FNDC3B: variants seen among roughly 807,000 people sequenced by gnomAD.
FNDC3B encodes the protein fibronectin type III domain-containing protein 3B.
In FNDC3B, 12 loss-of-function variants were observed where a neutral mutation model predicts 151.5. The observed-to-expected ratio is 0.08, with a 90% CI of 0.05 to 0.13. The LOEUF is 0.13. Ranked by LOEUF, FNDC3B falls within the 10% of genes least tolerant of loss-of-function variation. The pLI is 1.00. For synonymous variants in FNDC3B, 528 were observed against 549.0 expected, an observed-to-expected ratio of 0.96 and a Z score of 0.54; for missense variants, 1,214 against 1,505.3, an observed-to-expected ratio of 0.81 and a Z score of 3.20.
At chr3:172,234,276 C>T (rs909739694) in intron 4 of FNDC3B, among the ~76,000 whole-genome samples, 3 of 152,166 alleles carry the variant, frequency 2.0e-5, no homozygotes, top group Admixed American at 2.0e-4. Flanking sequence ...TGATCATTGT[C>T]TGTCTTCCTT....
rs545040634 is a variant in FNDC3B, at chr3:172,370,260, C to G, written c.3008+7415C>G. On this transcript the variant is annotated intron_variant, in intron 23 of 25. Transcript: ENST00000415807. ...GCATTCTTGGATTTTTTTTCAAAAT[C>G]AAACTGTTTTAAAGAAACATTCTAA... 2.0e-5 allele frequency among the ~76,000 whole-genome samples: 3 copies of G among 152,028 alleles called. No homozygotes were observed. In the East Asian group the frequency reaches 5.8e-4, roughly 29 times the overall value.
intron 1 of FNDC3B, among the ~76,000 whole-genome samples, chr3:172,078,319 C>T (rs1002011637): frequency 6.6e-6 from 1 of 152,198 alleles, no homozygotes; most frequent in Admixed American, 6.5e-5. Context: ...GAACTCTTTT[C>T]TTTCGACTTG....
intron 17 of FNDC3B, among the ~76,000 whole-genome samples, chr3:172,341,955 T>C (rs1733348177): frequency 6.6e-6 from 1 of 152,196 alleles, no homozygotes; most frequent in Non-Finnish European, 1.5e-5. Flanking sequence ...GAAAAGTGAA[T>C]GAGAAACGAG....
chr3:172,143,212 T>G (rs1721718517), intron 3 of FNDC3B, among the ~76,000 whole-genome samples: 1 of 152,186 alleles, frequency 6.6e-6, no homozygotes, highest in Non-Finnish European at 1.5e-5. Flanking sequence ...TCTGAAAAGG[T>G]AGTTAAATTT....
At chr3:172,360,057 A>G (rs1734291828) in intron 22 of FNDC3B, among the ~76,000 whole-genome samples, 1 of 152,222 alleles carries the variant, frequency 6.6e-6, no homozygotes, top group Non-Finnish European at 1.5e-5. Flanking sequence ...ATAAGTATAT[A>G]TTTAAAAGGC....
At chr3:172,306,238 T>C (rs757813032) in intron 9 of FNDC3B, among the ~76,000 whole-genome samples, 2 of 152,158 alleles carry the variant, frequency 1.3e-5, no homozygotes, top group Admixed American at 6.5e-5. Flanking sequence ...AAGTGGATTG[T>C]GGTGTTTAGA....
chr3:172,300,144 T>A (rs1560065497), intron 9 of FNDC3B, among the ~76,000 whole-genome samples: 1 of 152,238 alleles, frequency 6.6e-6, no homozygotes, highest in Non-Finnish European at 1.5e-5. Context: ...TCACACACTC[T>A]GTACAAGAAG....
At chr3:172,183,520 T>C (rs74849162) in intron 3 of FNDC3B, among the ~76,000 whole-genome samples, 3 of 152,226 alleles carry the variant, frequency 2.0e-5, no homozygotes, top group African/African-American at 4.8e-5. Flanking sequence ...AGTTGCTTAC[T>C]GGTCTTACTG....
At chr3:172,322,571 C>T (rs1732141665) in intron 11 of FNDC3B, among the ~76,000 whole-genome samples, 1 of 152,138 alleles carries the variant, frequency 6.6e-6, no homozygotes, top group Non-Finnish European at 1.5e-5. Flanking sequence ...CCTTTTGGTC[C>T]TGAGAAACCA....
At chr3:172,064,144 AATAG>A (rs1415225319) in intron 1 of FNDC3B, among the ~76,000 whole-genome samples, 1 of 152,090 alleles carries the variant, frequency 6.6e-6, no homozygotes, top group African/African-American at 2.4e-5. Flanking sequence ...TCTCTCTTAA[AATAG>A]ATAGATAGAT....
intron 3 of FNDC3B, among the ~76,000 whole-genome samples, chr3:172,192,792 C>T (rs1724598256): frequency 6.6e-6 from 1 of 151,974 alleles, no homozygotes; most frequent in Non-Finnish European, 1.5e-5. Flanking sequence ...GAGCCTGTAG[C>T]CTCCAGTGGA....
intron 15 of FNDC3B, 163 bp downstream of exon 15, chr3:172,335,245 T>C: frequency 3.6e-6 from 2 of 549,170 alleles, no homozygotes; most frequent in Non-Finnish European, 5.9e-6. Flanking sequence ...CTGAGAATTC[T>C]ACAAATTGGA....
chr3:172,279,216 G>C (rs557065032), intron 6 of FNDC3B, among the ~76,000 whole-genome samples: 3 of 136,082 alleles, frequency 2.2e-5, no homozygotes, highest in Admixed American at 2.1e-4. Context: ...ACAGGCCTGG[G>C]GAGTGGGGGG....
chr3:172,251,400 A>G lies in FNDC3B; in HGVS notation c.649A>G (p.Ser217Gly), dbSNP rs1395247888. The change falls in exon 6 of 26, where the codon AGC (serine) becomes GGC (glycine). Residue 217 changes from serine (S) to glycine (G), a missense_variant. Physicochemically the swap from Ser to Gly is moderately conservative, Grantham distance 56 (BLOSUM62 0). Around this residue, in one of 7 missense-constraint regions of FNDC3B, gnomAD observed 166 missense variants for 173.2 expected, o/e 0.96. Coordinates refer to ENST00000415807, the MANE Select transcript of FNDC3B (RefSeq NM_022763.4). ...NSPPSSIYKS[S>G]CTTVYNGYGK... is the part of the protein sequence containing the mutation. ...CCCTCCTTCTTCTATCTACAAAAGC[A>G]GCTGCACAACAGTATACAATGGCTA... The G allele has an allele frequency of 6.2e-7, 1 of 1,614,126 alleles. No homozygotes were observed. Among genetic ancestry groups the G allele is most frequent in the Admixed American group, 1.7e-5 (1 of 60,018 alleles).
rs550263918 is a variant in FNDC3B at position 172,244,031 on chromosome 3, A to G, written c.265-3502A>G. 2.0e-5 allele frequency among the ~76,000 whole-genome samples: 3 copies of G among 152,310 alleles called. No individual in the cohort carries two copies. The East Asian group carries it at 5.8e-4, about 29-fold the overall frequency. On this transcript the variant is annotated intron_variant, in intron 4 of 25. Coordinates refer to ENST00000415807, the MANE Select transcript of FNDC3B (RefSeq NM_022763.4). ...GAAGAATATTTATTCTGATTTCTGA[A>G]ATCACCACACTTCTGCTTTCTTAAC... is the stretch of plus-strand genomic sequence containing the variant.
intron 6 of FNDC3B, among the ~76,000 whole-genome samples, chr3:172,267,408 A>C (rs185774691): frequency 3.3e-4 from 51 of 152,258 alleles, no homozygotes; most frequent in East Asian, 5.8e-4. Flanking sequence ...CTCCTGCCTC[A>C]GTTTCCCAAA....
At chr3:172,115,210 A>G (rs758622120) in intron 2 of FNDC3B, among the ~76,000 whole-genome samples, 1 of 152,160 alleles carries the variant, frequency 6.6e-6, no homozygotes, top group Non-Finnish European at 1.5e-5. Context: ...TTTGGGTTCT[A>G]ACATTTAGCA....
chr3:172,318,260 C>T (rs1751628244), intron 11 of FNDC3B, among the ~76,000 whole-genome samples: 2 of 152,212 alleles, frequency 1.3e-5, no homozygotes, highest in Non-Finnish European at 2.9e-5. Flanking sequence ...AACCCATGCC[C>T]CTGGGGAGCC....
intron 9 of FNDC3B, among the ~76,000 whole-genome samples, chr3:172,305,533 C>A (rs900011550): frequency 6.6e-6 from 1 of 152,192 alleles, no homozygotes; most frequent in Admixed American, 6.5e-5. Flanking sequence ...TAATCAGATA[C>A]AGGTTCAGTT....
Sources: gnomAD v4.1 joint callset for allele counts (sites outside exome capture counted in the v4.1 genomes callset) on GRCh38, gnomAD v4.1.1 for gene constraint, gnomAD v4.1.1 regional missense constraint, MANE v1.5 for transcripts, NCBI Gene and HGNC (gene_info 2026-07-23, HGNC 2026-07-21) for gene names.